The following DOP1B variants were observed in gnomAD, a reference collection of about 807,000 sequenced individuals.
The protein encoded by DOP1B is protein DOP1B.
DOP1B carries 174 observed loss-of-function variants against 233.5 expected under a neutral mutation model. That is an observed-to-expected ratio of 0.75 (90% CI 0.66 to 0.85). DOP1B has a LOEUF of 0.85. DOP1B is among the 40% of genes least tolerant of loss of function. DOP1B has a pLI of 0.00. For synonymous variants in DOP1B, 1,190 were observed against 1,185.6 expected, an observed-to-expected ratio of 1.00 and a Z score of -0.08; for missense variants, 2,652 against 2,846.6, an observed-to-expected ratio of 0.93 and a Z score of 1.56.
At chr21:36,212,634 G>C (rs1261758147) in intron 7 of DOP1B, among the ~76,000 whole-genome samples, 1 of 152,156 alleles carries the variant, frequency 6.6e-6, no homozygotes, top group East Asian at 1.9e-4. Context: ...TGGTTGGAAG[G>C]CCTCCCAGGG....
At chr21:36,280,571 A>G (rs1432050591) in intron 31 of DOP1B, among the ~76,000 whole-genome samples, 1 of 152,222 alleles carries the variant, frequency 6.6e-6, no homozygotes, top group South Asian at 2.1e-4. Context: ...ATAGTTTTAT[A>G]GTGGAGAAAT....
intron 1 of DOP1B, among the ~76,000 whole-genome samples, chr21:36,162,668 G>A (rs527454298): frequency 5.9e-5 from 9 of 152,066 alleles, no homozygotes; most frequent in South Asian, 2.1e-4. Flanking sequence ...TCATCCTCCC[G>A]AGTAGCTGGG....
chr21:36,269,915 T>C, intron 26 of DOP1B, 98 bp from the exon 27 acceptor site: 2 of 1,260,612 alleles, frequency 1.6e-6, no homozygotes, highest in Middle Eastern at 1.9e-4. Flanking sequence ...CTCACAGCTG[T>C]GGCCTGCATT....
In DOP1B at chr21:36,270,145, G is replaced by C; in HGVS notation, c.5620G>C (p.Glu1874Gln). The change falls in exon 27 of 37, where the codon GAG (glutamate) becomes CAG (glutamine). Residue 1874 changes from glutamate to glutamine, a missense_variant. Glu to Gln is a conservative substitution (Grantham distance 29, BLOSUM62 2). Coordinates refer to ENST00000691173, the MANE Select transcript of DOP1B (RefSeq NM_001320714.2). ...CTCTCTAGAAGAATCTGATGCTGAG[G>C]AGGACCTGTATGGTAGGTGGAGATG... is the stretch of plus-strand genomic sequence containing the variant. ...QASLEESDAE[E>Q]DLYDAAAASA... The C allele has an allele frequency of 6.2e-7, 1 of 1,614,086 alleles. No homozygotes were observed. The highest frequency in any genetic ancestry group is 1.1e-5 in the South Asian group (1 of 91,074).
chr21:36,227,227 T>TAAATA (rs1188600539), intron 12 of DOP1B, among the ~76,000 whole-genome samples: 33 of 143,234 alleles, frequency 2.3e-4, no homozygotes, highest in Middle Eastern at 3.9e-3. Context: ...AATAAATAAA[T>TAAATA]AAATAAAATA....
intron 9 of DOP1B, 74 bp from the exon 10 acceptor site, chr21:36,219,298 G>T: frequency 1.3e-6 from 2 of 1,559,400 alleles, no homozygotes; most frequent in South Asian, 1.1e-5. Flanking sequence ...TATGTCTTAT[G>T]TATATACATA....
chr21:36,245,509 A>C lies in DOP1B; in HGVS notation c.3529A>C (p.Ser1177Arg). 1.2e-6 allele frequency: 2 copies of C among 1,613,634 alleles called. No homozygotes were observed. The highest frequency in any genetic ancestry group is 1.7e-6 in the Non-Finnish European group (2 of 1,180,030). Residue 1177 changes from serine to arginine, a missense_variant, in exon 19 of 37, where the codon AGC (serine) becomes CGC (arginine). Around this residue, in one of 3 missense-constraint regions of DOP1B, gnomAD observed 2,617 missense variants for 2,794.3 expected, o/e 0.94. Coordinates refer to ENST00000691173, the MANE Select transcript of DOP1B (RefSeq NM_001320714.2). This position sits in a 1 kb window ranked among gnomAD's most constrained non-coding sequence, Gnocchi z 5.5. ...AAGCTTCAAGGCTGGGGCCAAGTTAAGCCTGGTGCGGGTGGACTCGGACAA... is the reference window on the plus strand; with the variant it reads ...AAGCTTCAAGGCTGGGGCCAAGTTACGCCTGGTGCGGGTGGACTCGGACAA... ...SESFKAGAKL[S>R]LVRVDSDKTQ...
chr21:36,215,825 C>T (rs896258207), intron 9 of DOP1B, among the ~76,000 whole-genome samples: 1 of 138,790 alleles, frequency 7.2e-6, no homozygotes, highest in Non-Finnish European at 1.6e-5. Context: ...CCAGCCTGGC[C>T]AAGATGGTGA....
At chr21:36,210,762 A>G (rs2066487303) in intron 5 of DOP1B, among the ~76,000 whole-genome samples, 1 of 152,212 alleles carries the variant, frequency 6.6e-6, no homozygotes, top group African/African-American at 2.4e-5. Flanking sequence ...CAGTGAGTCA[A>G]GATCACACCA....
intron 6 of DOP1B, 81 bp downstream of exon 6, chr21:36,211,732 G>A (rs1446703561): frequency 8.9e-6 from 13 of 1,458,100 alleles, no homozygotes; most frequent in East Asian, 2.3e-5. Flanking sequence ...TCTGTCGTAC[G>A]AGGACAGCTC....
At chr21:36,293,220 A>G (rs936958930) in intron 36 of DOP1B, 100 bp from the exon 37 acceptor site, 3 of 1,214,412 alleles carry the variant, frequency 2.5e-6, no homozygotes, top group South Asian at 1.5e-5. Context: ...AAAAAAAAAA[A>G]GGACCTTATT....
At chr21:36,277,679 C>T (rs186352202) in intron 28 of DOP1B, among the ~76,000 whole-genome samples, 36 of 149,940 alleles carry the variant, frequency 2.4e-4, no homozygotes, top group African/African-American at 6.4e-4. Flanking sequence ...GATGGAGTCT[C>T]GCTCTGGAGT....
At chr21:36,221,867 C>T (rs1372096794) in intron 10 of DOP1B, among the ~76,000 whole-genome samples, 1 of 152,090 alleles carries the variant, frequency 6.6e-6, no homozygotes, top group Non-Finnish European at 1.5e-5. Context: ...TCAGCCACTG[C>T]GCACAGCCTG....
chr21:36,290,301 G>A (rs1217391223), intron 35 of DOP1B, among the ~76,000 whole-genome samples: 1 of 152,122 alleles, frequency 6.6e-6, no homozygotes, highest in Non-Finnish European at 1.5e-5. Flanking sequence ...GAGGCGGGTG[G>A]ATCACCTGAG....
chr21:36,206,902 G>T (rs770074205), intron 4 of DOP1B, among the ~76,000 whole-genome samples: 7 of 152,132 alleles, frequency 4.6e-5, no homozygotes, highest in Non-Finnish European at 8.8e-5. Context: ...TTTTTTCTAA[G>T]AAGACGGTAC....
At chr21:36,174,419 C>T (rs566682921) in intron 2 of DOP1B, among the ~76,000 whole-genome samples, 3 of 152,274 alleles carry the variant, frequency 2.0e-5, no homozygotes, top group South Asian at 2.1e-4. Flanking sequence ...ACCTGGGTGG[C>T]GGAGGTTGCA....
At chr21:36,253,208 G>A (rs560490581) in intron 22 of DOP1B, among the ~76,000 whole-genome samples, 1 of 152,274 alleles carries the variant, frequency 6.6e-6, no homozygotes, top group African/African-American at 2.4e-5. Flanking sequence ...TGGTTTATCT[G>A]TTTTTACTTC....
Position 36,230,787 on chromosome 21 carries a change from C to T in DOP1B, c.2003C>T (p.Thr668Met), listed in dbSNP as rs143591918. 21 of 1,613,972 alleles carry T rather than the reference C, an allele frequency of 1.3e-5. No homozygotes were observed. Among genetic ancestry groups the T allele is most frequent in the Non-Finnish European group, 1.6e-5 (19 of 1,180,040 alleles). The change falls in exon 14 of 37, where the codon ACG becomes ATG. Residue 668 changes from threonine to methionine, a missense_variant. Around this residue, in one of 3 missense-constraint regions of DOP1B, gnomAD observed 2,617 missense variants for 2,794.3 expected, o/e 0.94. Coordinates refer to ENST00000691173, the MANE Select transcript of DOP1B (RefSeq NM_001320714.2). Reference protein sequence around the residue: ...EPAGKRDRDGTQSLAANDSSR... With the variant: ...EPAGKRDRDGMQSLAANDSSR... ...GCAGGGAAGAGGGACAGGGATGGGA[C>T]GCAGAGCCTGGCAGCCAATGATTCC...
At position 36,248,432 on chromosome 21, in the gene DOP1B, T is replaced by C; in HGVS notation, c.4862T>C (p.Leu1621Ser). 1 of 1,614,062 alleles carries C rather than the reference T, an allele frequency of 6.2e-7. No individual in the cohort carries two copies. The highest frequency in any genetic ancestry group is 1.1e-5 in the South Asian group (1 of 91,070). Residue 1621 changes from leucine to serine, a missense_variant, in exon 21 of 37, where the codon TTG (leucine) becomes TCG (serine). Physicochemically the swap from Leu to Ser is moderately radical, Grantham distance 145. This residue lies in a region of DOP1B where 2,617 missense variants were observed against 2,794.3 expected (regional missense o/e 0.94). Coordinates refer to ENST00000691173, the MANE Select transcript of DOP1B (RefSeq NM_001320714.2). ...ANLRNARNAI[L>S]EELPRTVNTM... ...TTGAGGAATGCCAGAAATGCCATTTTGGAAGAGCTGCCTCGAACTGTTAAC... is the reference window on the plus strand; with the variant it reads ...TTGAGGAATGCCAGAAATGCCATTTCGGAAGAGCTGCCTCGAACTGTTAAC...
Sources: gnomAD v4.1 joint callset for allele counts (sites outside exome capture counted in the v4.1 genomes callset) on GRCh38, gnomAD v4.1.1 for gene constraint, gnomAD v4.1.1 regional missense constraint, Gnocchi (gnomAD v3.1) non-coding constraint, MANE v1.5 for transcripts, NCBI Gene and HGNC (gene_info 2026-07-23, HGNC 2026-07-21) for gene names.